Variants in NPFF observed in about 807,000 individuals in gnomAD.
The protein encoded by NPFF is neuropeptide FF-amide peptide precursor.
NPFF carries 14 observed loss-of-function variants against 12.9 expected under a neutral mutation model. The observed-to-expected ratio is 1.09, with a 90% CI of 0.72 to 1.70. The LOEUF is 1.70. Among genes scored for constraint, NPFF ranks in the 40% most tolerant of loss-of-function variants. NPFF has a pLI of 0.00. For synonymous variants in NPFF, 56 were observed against 57.3 expected (o/e 0.98, Z 0.10); for missense variants, 140 against 135.7 (o/e 1.03, Z -0.16).
intron 2 of NPFF, 61 bp from the exon 3 acceptor site, chr12:53,506,954 C>T: frequency 1.9e-6 from 3 of 1,588,600 alleles, no homozygotes; most frequent in Non-Finnish European, 2.6e-6. Flanking sequence ...CTTCCTTCTC[C>T]TCTTCCTCTG....
chr12:53,507,142 C>G lies in NPFF; in HGVS notation c.103G>C (p.Glu35Gln). The G allele has an allele frequency of 6.2e-7, 1 of 1,613,706 alleles. No individual in the cohort carries two copies. The highest frequency in any genetic ancestry group is 8.5e-7 in the Non-Finnish European group (1 of 1,179,822). Residue 35 changes from glutamate to glutamine, a missense_variant and splice_region_variant, in exon 2 of 3, where the codon GAG becomes CAG. Physicochemically the swap from Glu to Gln is conservative, Grantham distance 29. Transcript: ENST00000267017. ...GGTGGGAGGGGTTCGCTGTCTTCCT[C>G]CTGTGCCAAGGGGGTATCAGGGAAG... ...GGQQEDQLSA[E>Q]EDSEPLPPQD...
At position 53,507,135 on chromosome 12, in the gene NPFF, T is replaced by G; in HGVS notation, c.110A>C (p.Asp37Ala). The change falls in exon 2 of 3, where the codon GAC becomes GCC. Residue 37 changes from aspartate (D) to alanine (A), a missense_variant. By Grantham distance (126) the Asp-to-Ala change is moderately radical. Coordinates refer to ENST00000267017, the MANE Select transcript of NPFF (RefSeq NM_003717.4). ...ATCCTGTGGTGGGAGGGGTTCGCTG[T>G]CTTCCTCCTGTGCCAAGGGGGTATC... ...QQEDQLSAEE[D>A]SEPLPPQDAQ... The G allele has an allele frequency of 6.2e-7, 1 of 1,613,834 alleles. No homozygotes were observed. Among genetic ancestry groups the G allele is most frequent in the South Asian group, 1.1e-5 (1 of 91,054 alleles).
Position 53,507,031 on chromosome 12 carries a change from G to GAAAC in NPFF, c.210_213dup (p.Gln72ValfsTer17). On this transcript the variant is annotated frameshift_variant, in exon 2 of 3. Transcript: ENST00000267017. LOFTEE classifies it high-confidence loss of function. ...CCCTTTCAGACTCACCTCTGGGGCT[G>GAAAC]AAACAGGAAGGCTTGGCTCCGGCCA... The GAAAC allele has an allele frequency of 6.2e-7, 1 of 1,613,748 alleles. No homozygotes were observed. Among genetic ancestry groups the GAAAC allele is most frequent in the Non-Finnish European group, 8.5e-7 (1 of 1,179,872 alleles).
Position 53,506,698 on chromosome 12 carries a change from A to AGAC in NPFF, c.*75_*77dup, listed in dbSNP as rs1944001961. The AGAC allele has an allele frequency of 8.5e-7, 1 of 1,182,670 alleles. No homozygotes were observed. Among genetic ancestry groups the AGAC allele is most frequent in the African/African-American group, 1.5e-5 (1 of 65,244 alleles). The allele number at this position is 1,182,670 out of a possible 1,614,324, so 73.3% of individuals were successfully genotyped here. ...ACAGACACACATGGATTCAGAAGCC[A>AGAC]GACAATTTTATTTGGGGGGCAAACA... On this transcript the variant is annotated 3_prime_UTR_variant, in exon 3 of 3. Coordinates refer to ENST00000267017, the MANE Select transcript of NPFF (RefSeq NM_003717.4).
At position 53,507,484 on chromosome 12, in the gene NPFF, T is replaced by C. The variant is rs1311759359; in HGVS notation, c.-10A>G. 1.9e-6 allele frequency: 3 copies of C among 1,611,178 alleles called. No individual in the cohort carries two copies. The highest frequency in any genetic ancestry group is 2.5e-6 in the Non-Finnish European group (3 of 1,179,422). On this transcript the variant is annotated 5_prime_UTR_variant, in exon 1 of 3. Transcript: ENST00000267017. ...CCTGCCTAGAATCCATGCTGCCACC[T>C]ACCCTCCTACAGCCACCCCAACCTC...
Position 53,507,047 on chromosome 12 carries a change from G to T in NPFF, c.198C>A (p.Ser66Arg), listed in dbSNP as rs752075212. The change falls in exon 2 of 3, where the codon AGC (serine) becomes AGA (arginine). Residue 66 changes from serine (S) to arginine (R), a missense_variant. Transcript: ENST00000267017. ...LLQAMERPGR[S>R]QAFLFQPQRF... ...TCTGGGGCTGAAACAGGAAGGCTTGGCTCCGGCCAGGTCTCTCCATTGCCT... is the reference window on the plus strand; with the variant it reads ...TCTGGGGCTGAAACAGGAAGGCTTGTCTCCGGCCAGGTCTCTCCATTGCCT... 6.2e-7 allele frequency: 1 copy of T among 1,613,948 alleles called. No individual in the cohort carries two copies. The highest frequency in any genetic ancestry group is 1.1e-5 in the South Asian group (1 of 91,066).
rs772618346 is a variant in NPFF, at chr12:53,507,459, C to T, written c.16G>A (p.Ala6Thr). Reference sequence around the variant, plus strand: ...AGCAGCAGCACCAGCAGTGCAGCAGCCTGCCTAGAATCCATGCTGCCACCT... The same window carrying T: ...AGCAGCAGCACCAGCAGTGCAGCAGTCTGCCTAGAATCCATGCTGCCACCT... MDSRQAAALLVLLLLI... is the reference protein window; with the variant it reads MDSRQTAALLVLLLLI... The change falls in exon 1 of 3, where the codon GCT becomes ACT. Residue 6 changes from alanine (A) to threonine (T), a missense_variant. Ala to Thr is a moderately conservative substitution (Grantham distance 58, BLOSUM62 0). Coordinates refer to ENST00000267017, the MANE Select transcript of NPFF (RefSeq NM_003717.4). 8.7e-6 allele frequency: 14 copies of T among 1,613,462 alleles called. No individual in the cohort carries two copies. The highest frequency in any genetic ancestry group is 1.2e-5 in the Non-Finnish European group (14 of 1,180,002).
At position 53,507,195 on chromosome 12, in the gene NPFF, A is replaced by G. The variant is rs756426082; in HGVS notation, c.103-53T>C. The G allele has an allele frequency of 1.6e-5, 25 of 1,600,082 alleles. 1 individual carries two copies. Among genetic ancestry groups the G allele is most frequent in the Non-Finnish European group, 2.1e-5 (25 of 1,171,162 alleles). ...AGATGGGCAAATACCCTGGACACGT[A>G]AGTCACAAGGGGAAGGGACTGGCTT... On this transcript the variant is annotated intron_variant, in intron 1 of 2. Transcript: ENST00000267017.
In NPFF at chr12:53,507,153, G is replaced by T; in HGVS notation, c.103-11C>A. ...TTCGCTGTCTTCCTCCTGTGCCAAG[G>T]GGGTATCAGGGAAGGAAGATGGGCA... On this transcript the variant is annotated splice_polypyrimidine_tract_variant and intron_variant, in intron 1 of 2. Transcript: ENST00000267017. 1.2e-6 allele frequency: 2 copies of T among 1,612,878 alleles called. No individual in the cohort carries two copies. The highest frequency in any genetic ancestry group is 1.7e-6 in the Non-Finnish European group (2 of 1,179,356).
chr12:53,507,110 A>T lies in NPFF; in HGVS notation c.135T>A (p.Asp45Glu). The T allele has an allele frequency of 6.2e-7, 1 of 1,614,082 alleles. No individual in the cohort carries two copies. The highest frequency in any genetic ancestry group is 8.5e-7 in the Non-Finnish European group (1 of 1,180,018). ...EEDSEPLPPQ[D>E]AQTSGSLLHY... ...GCAACAGTGACCCAGAGGTCTGGGC[A>T]TCCTGTGGTGGGAGGGGTTCGCTGT... The change falls in exon 2 of 3, where the codon GAT becomes GAA. Residue 45 changes from aspartate (D) to glutamate (E), a missense_variant. Asp to Glu is a conservative substitution (Grantham distance 45, BLOSUM62 2). Transcript: ENST00000267017.
Position 53,506,833 on chromosome 12 carries a change from C to T in NPFF, c.285G>A (p.Glu95=). 2 of 1,602,336 alleles carry T rather than the reference C, an allele frequency of 1.2e-6. No homozygotes were observed. The highest frequency in any genetic ancestry group is 1.7e-6 in the Non-Finnish European group (2 of 1,174,420). The change falls in exon 3 of 3, where the codon GAG becomes GAA. Residue 95 remains glutamate (E), a synonymous_variant. Coordinates refer to ENST00000267017, the MANE Select transcript of NPFF (RefSeq NM_003717.4). ...RNEWLSPRAG[E]GLNSQFWSLA... ...GGCTCCAGAACTGGGAATTCAGCCCCTCTCCAGCCCGGGGACTCAGCCATT... is the reference window on the plus strand; with the variant it reads ...GGCTCCAGAACTGGGAATTCAGCCCTTCTCCAGCCCGGGGACTCAGCCATT...
chr12:53,507,313 G>A, intron 1 of NPFF, 60 bp downstream of exon 1: 3 of 1,608,416 alleles, frequency 1.9e-6, no homozygotes, highest in Middle Eastern at 1.7e-4. Context: ...TCAGAACCTA[G>A]AGCACAAGTC....
Position 53,506,784 on chromosome 12 carries a change from T to C in NPFF, c.334A>G (p.Lys112Glu), listed in dbSNP as rs554032265. The C allele has an allele frequency of 1.3e-6, 2 of 1,556,180 alleles. No individual in the cohort carries two copies. Among genetic ancestry groups the C allele is most frequent in the East Asian group, 4.5e-5 (2 of 44,388 alleles). Reference sequence around the variant, plus strand: ...TATCAAGGGATGACATGTCACTTCTTCCCAAAGCGTTGAGGGGCAGCCAGG... The same window carrying C: ...TATCAAGGGATGACATGTCACTTCTCCCCAAAGCGTTGAGGGGCAGCCAGG... Reference protein sequence around the residue: ...WSLAAPQRFGKK With the variant: ...WSLAAPQRFGEK The change falls in exon 3 of 3, where the codon AAG (lysine) becomes GAG (glutamate). Residue 112 changes from lysine to glutamate, a missense_variant. Physicochemically the swap from Lys to Glu is moderately conservative, Grantham distance 56 (BLOSUM62 1). Coordinates refer to ENST00000267017, the MANE Select transcript of NPFF (RefSeq NM_003717.4).
intron 2 of NPFF, 50 bp from the exon 3 acceptor site, chr12:53,506,943 C>T (rs747016065): frequency 8.8e-6 from 14 of 1,582,192 alleles, no homozygotes; most frequent in Admixed American, 3.4e-5. Context: ...TCTCTAGCCC[C>T]CTTCCTTCTC....
Position 53,507,361 on chromosome 12 carries a change from A to C in NPFF, c.102+12T>G. 1.2e-6 allele frequency: 2 copies of C among 1,614,028 alleles called. No individual in the cohort carries two copies. The highest frequency in any genetic ancestry group is 1.7e-6 in the Non-Finnish European group (2 of 1,179,976). On this transcript the variant is annotated intron_variant, in intron 1 of 2. Transcript: ENST00000267017. ...GAGGCAATGGTGATATGGGGATGGG[A>C]CACACACTCACCGCGGAGAGCTGGT...
rs572826898 is a variant in NPFF at position 53,507,012 on chromosome 12, C to T, written c.224+9G>A. The T allele has an allele frequency of 5.6e-6, 9 of 1,612,844 alleles. No individual in the cohort carries two copies. In the South Asian group the frequency reaches 9.9e-5, roughly 18 times the overall value. ...GCCCCTGCCATGCTTGTGTCCCTTTCAGACTCACCTCTGGGGCTGAAACAG... is the reference window on the plus strand; with the variant it reads ...GCCCCTGCCATGCTTGTGTCCCTTTTAGACTCACCTCTGGGGCTGAAACAG... On this transcript the variant is annotated intron_variant, in intron 2 of 2. Coordinates refer to ENST00000267017, the MANE Select transcript of NPFF (RefSeq NM_003717.4).
rs1231733261 is a variant in NPFF at position 53,507,368 on chromosome 12, C to T, written c.102+5G>A. The T allele has an allele frequency of 1.9e-6, 3 of 1,614,044 alleles. No homozygotes were observed. The highest frequency in any genetic ancestry group is 2.5e-6 in the Non-Finnish European group (3 of 1,179,980). On this transcript the variant is annotated splice_donor_5th_base_variant and intron_variant, in intron 1 of 2. Coordinates refer to ENST00000267017, the MANE Select transcript of NPFF (RefSeq NM_003717.4). ...TGGTGATATGGGGATGGGACACACA[C>T]TCACCGCGGAGAGCTGGTCTTCCTG...
Position 53,506,724 on chromosome 12 carries a change from T to A in NPFF, c.*52A>T, listed in dbSNP as rs373675137. The stretch of plus-strand genomic sequence containing the variant: ...GACAATTTTATTTGGGGGGCAAACA[T>A]TGACACTTTTGGGTGTGGACCTTGC... On this transcript the variant is annotated 3_prime_UTR_variant, in exon 3 of 3. Coordinates refer to ENST00000267017, the MANE Select transcript of NPFF (RefSeq NM_003717.4). The A allele has an allele frequency of 7.5e-7, 1 of 1,339,734 alleles. No individual in the cohort carries two copies. The highest frequency in any genetic ancestry group is 1.0e-6 in the Non-Finnish European group (1 of 975,682). The allele number at this position is 1,339,734 out of a possible 1,614,324, so 83.0% of individuals were successfully genotyped here.
chr12:53,506,965 C>T, intron 2 of NPFF, 56 bp downstream of exon 2: 2 of 1,592,520 alleles, frequency 1.3e-6, no homozygotes, highest in South Asian at 1.1e-5. Context: ...TCTTCCTCTG[C>T]CTCCTGCCCT....
Sources: gnomAD v4.1 joint callset for allele counts on GRCh38, gnomAD v4.1.1 for gene constraint, MANE v1.5 for transcripts, NCBI Gene and HGNC (gene_info 2026-07-23, HGNC 2026-07-21) for gene names.